The following PEBP4 variants were observed in gnomAD, a reference collection of about 807,000 sequenced individuals.
The protein encoded by PEBP4 is phosphatidylethanolamine-binding protein 4.
A neutral mutation model predicts 23.9 loss-of-function variants in PEBP4; 22 were observed. That is an observed-to-expected ratio of 0.92 (90% CI 0.66 to 1.31). PEBP4 has a LOEUF of 1.31. PEBP4 is among the 40% of genes most tolerant of loss of function. PEBP4 has a pLI of 0.00. For synonymous variants in PEBP4, 112 were observed against 99.3 expected, an observed-to-expected ratio of 1.13 and a Z score of -0.76; for missense variants, 324 against 281.7, an observed-to-expected ratio of 1.15 and a Z score of -1.07.
chr8:22,880,974 G>C (rs1302605333), intron 3 of PEBP4, among the ~76,000 whole-genome samples: 7 of 152,242 alleles, frequency 4.6e-5, no homozygotes, highest in Admixed American at 3.3e-4. Flanking sequence ...GCTCTGCCTG[G>C]GGGAAGAGGT....
At position 22,809,193 on chromosome 8, in the gene PEBP4, G is replaced by A. The variant is rs190256363; in HGVS notation, c.357+8444C>T. ...CTGGGTGTTTCACAAATGTTATCTCGTTAAATCCTCAACATTCCTGCGAGG... is the reference window on the plus strand; with the variant it reads ...CTGGGTGTTTCACAAATGTTATCTCATTAAATCCTCAACATTCCTGCGAGG... On this transcript the variant is annotated intron_variant, in intron 4 of 6. Transcript: ENST00000256404. Among the ~76,000 whole-genome samples the A allele has an allele frequency of 1.2e-3, 189 of 152,294 alleles. 2 individuals carry two copies. Among genetic ancestry groups the A allele is most frequent in the Admixed American group, 0.01 (158 of 15,304 alleles).
At chr8:22,835,597 G>T (rs1447367733) in intron 3 of PEBP4, among the ~76,000 whole-genome samples, 1 of 152,190 alleles carries the variant, frequency 6.6e-6, no homozygotes, top group Admixed American at 6.5e-5. Flanking sequence ...AAGGAATAGG[G>T]ATCATGTTGC....
chr8:22,863,272 G>C (rs1217891766), intron 3 of PEBP4, among the ~76,000 whole-genome samples: 2 of 152,104 alleles, frequency 1.3e-5, no homozygotes, highest in Non-Finnish European at 2.9e-5. Context: ...AGTCCCTCAT[G>C]CTCCCTTCCT....
At position 22,920,236 on chromosome 8, in the gene PEBP4, T is replaced by C. The variant is rs755790058; in HGVS notation, c.206A>G (p.Gln69Arg). Reference protein sequence around the residue: ...KVVPDCNNYRQKITSWMEPIV... With the variant: ...KVVPDCNNYRRKITSWMEPIV... ...CGGCTCCATCCAGGAGGTGATCTTC[T>C]GTCTGTAGTTGTTACAATCAGGAAC... The change falls in exon 3 of 7, where the codon CAG becomes CGG. Residue 69 changes from glutamine (Q) to arginine (R), a missense_variant. Coordinates refer to ENST00000256404, the MANE Select transcript of PEBP4 (RefSeq NM_144962.3). The C allele has an allele frequency of 6.8e-6, 11 of 1,613,858 alleles. No homozygotes were observed. Among genetic ancestry groups the C allele is most frequent in the South Asian group, 4.4e-5 (4 of 91,038 alleles).
At chr8:22,860,163 T>C (rs1807738333) in intron 3 of PEBP4, among the ~76,000 whole-genome samples, 2 of 127,964 alleles carry the variant, frequency 1.6e-5, no homozygotes, top group Non-Finnish European at 3.3e-5. Context: ...TATACACATA[T>C]ATATGTATAT....
intron 4 of PEBP4, among the ~76,000 whole-genome samples, chr8:22,762,552 A>G (rs1327565397): frequency 6.6e-6 from 1 of 152,176 alleles, no homozygotes; most frequent in Non-Finnish European, 1.5e-5. Flanking sequence ...GAAGAAAGGA[A>G]AAAGCCAAGT....
intron 4 of PEBP4, among the ~76,000 whole-genome samples, chr8:22,778,789 C>T (rs1454034377): frequency 6.6e-6 from 1 of 152,182 alleles, no homozygotes; most frequent in Non-Finnish European, 1.5e-5. Context: ...TTGCCCTACC[C>T]TGGCCTTCTC....
rs1806460719 is a variant in PEBP4 at position 22,804,716 on chromosome 8, C to T, written c.357+12921G>A. On this transcript the variant is annotated intron_variant, in intron 4 of 6. Coordinates refer to ENST00000256404, the MANE Select transcript of PEBP4 (RefSeq NM_144962.3). Reference sequence around the variant, plus strand: ...CCTTAAAAATAAGGATGCCTATGCTCCACCCCCAGAGATTCTGACTTAGCT... The same window carrying T: ...CCTTAAAAATAAGGATGCCTATGCTTCACCCCCAGAGATTCTGACTTAGCT... 3.9e-5 allele frequency among the ~76,000 whole-genome samples: 6 copies of T among 152,118 alleles called. No homozygotes were observed. In the South Asian group the frequency reaches 1.0e-3, roughly 26 times the overall value.
At chr8:22,875,733 G>C (rs1456459944) in intron 3 of PEBP4, among the ~76,000 whole-genome samples, 1 of 151,928 alleles carries the variant, frequency 6.6e-6, no homozygotes, top group African/African-American at 2.4e-5. Context: ...TACCCTTCCT[G>C]CCTGTCACCC....
intron 3 of PEBP4, among the ~76,000 whole-genome samples, chr8:22,881,506 G>C (rs537324758): frequency 6.6e-6 from 1 of 152,144 alleles, no homozygotes; most frequent in Non-Finnish European, 1.5e-5. Context: ...CATCTCACTC[G>C]CAGTTGTATG....
chr8:22,722,834 G>A (rs1186233469), intron 6 of PEBP4, among the ~76,000 whole-genome samples: 6 of 151,460 alleles, frequency 4.0e-5, no homozygotes, highest in African/African-American at 7.3e-5. Flanking sequence ...GTGTAGTGGC[G>A]CGATCTCAGC....
At chr8:22,768,569 A>C (rs1805654386) in intron 4 of PEBP4, among the ~76,000 whole-genome samples, 1 of 152,106 alleles carries the variant, frequency 6.6e-6, no homozygotes. Context: ...TTTGTATGTT[A>C]GTTTTCACCC....
At chr8:22,833,107 G>A (rs1459542821) in intron 3 of PEBP4, among the ~76,000 whole-genome samples, 2 of 152,148 alleles carry the variant, frequency 1.3e-5, no homozygotes, top group South Asian at 2.1e-4. Context: ...TATTCCCTCT[G>A]CCTCCTGACT....
At chr8:22,912,601 G>A (rs1419064807) in intron 3 of PEBP4, among the ~76,000 whole-genome samples, 1 of 152,244 alleles carries the variant, frequency 6.6e-6, no homozygotes, top group Non-Finnish European at 1.5e-5. Flanking sequence ...CTGTCATCAA[G>A]GGGATAATCC....
At chr8:22,752,369 C>T (rs946070444) in intron 4 of PEBP4, among the ~76,000 whole-genome samples, 4 of 152,244 alleles carry the variant, frequency 2.6e-5, no homozygotes, top group African/African-American at 9.6e-5. Context: ...ACTTCTCTTT[C>T]TTAGATACTT....
intron 3 of PEBP4, among the ~76,000 whole-genome samples, chr8:22,829,554 C>T (rs1400357076): frequency 6.6e-6 from 1 of 152,116 alleles, no homozygotes; most frequent in South Asian, 2.1e-4. Flanking sequence ...TGCATCTGCC[C>T]CCAATCTCTT....
chr8:22,727,985 T>C (rs1804651498), intron 4 of PEBP4, among the ~76,000 whole-genome samples: 1 of 152,156 alleles, frequency 6.6e-6, no homozygotes, highest in Non-Finnish European at 1.5e-5. Flanking sequence ...GCCGGGCCCC[T>C]GGGTCTGTGC....
intron 4 of PEBP4, among the ~76,000 whole-genome samples, chr8:22,804,720 C>T (rs779668870): frequency 2.0e-5 from 3 of 152,144 alleles, no homozygotes; most frequent in Non-Finnish European, 2.9e-5. Context: ...TATGCTCCAC[C>T]CCCAGAGATT....
intron 3 of PEBP4, among the ~76,000 whole-genome samples, chr8:22,830,113 TTGTGTGTGTGTGTGTG>T (rs3060706): frequency 2.1e-5 from 3 of 144,252 alleles, no homozygotes; most frequent in East Asian, 2.1e-4. Context: ...GGCTGTGGTT[TTGTGTGTGTGTGTGTG>T]TGTGTGTGTG....
Sources: allele counts gnomAD v4.1 joint callset (sites outside exome capture counted in the v4.1 genomes callset), GRCh38; gene constraint gnomAD v4.1.1; transcripts MANE v1.5; gene names NCBI Gene and HGNC (gene_info 2026-07-23, HGNC 2026-07-21).